Variants in DGKH observed in about 807,000 individuals in gnomAD.
The protein encoded by DGKH is DAG kinase eta.
A neutral mutation model predicts 159.3 loss-of-function variants in DGKH; 90 were observed. The observed-to-expected ratio is 0.57, with a 90% confidence interval of 0.48 to 0.67. DGKH has a LOEUF of 0.67. DGKH is among the 30% of genes least tolerant of loss of function. DGKH has a pLI of 0.00. For missense variants in DGKH, 1,181 were observed against 1,506.1 expected, an observed-to-expected ratio of 0.78 and a Z score of 3.57; for synonymous variants, 536 against 553.8, an observed-to-expected ratio of 0.97 and a Z score of 0.45.
At chr13:42,141,115 A>G (rs1262393633) in intron 3 of DGKH, among the ~76,000 whole-genome samples, 1 of 139,980 alleles carries the variant, frequency 7.1e-6, no homozygotes, top group Admixed American at 7.6e-5. Context: ...ATGTGTTCTC[A>G]TTCTTCAATT....
chr13:42,153,420 T>G (rs1289398957), intron 3 of DGKH, among the ~76,000 whole-genome samples: 2 of 152,260 alleles, frequency 1.3e-5, no homozygotes, highest in Non-Finnish European at 2.9e-5. Context: ...CAAGCCTGGT[T>G]TATTTGTCTG....
chr13:42,209,193 A>C, intron 22 of DGKH, 121 bp downstream of exon 22: 1 of 1,368,260 alleles, frequency 7.3e-7, no homozygotes, highest in Non-Finnish European at 1.0e-6. Context: ...TTGTCATATC[A>C]GTTTTTACCA....
chr13:42,079,121 G>A (rs1247859835), intron 1 of DGKH, among the ~76,000 whole-genome samples: 1 of 151,548 alleles, frequency 6.6e-6, no homozygotes. Context: ...TTGCCATGTT[G>A]CCCAGGCTGG....
downstream of DGKH, among the ~76,000 whole-genome samples, chr13:42,244,870 C>G (rs559888484): frequency 1.2e-4 from 16 of 130,962 alleles, no homozygotes; most frequent in Admixed American, 9.4e-4. Flanking sequence ...CGCCACTGCA[C>G]TCCAGCCTGG....
At chr13:42,125,618 T>C (rs564439419) in intron 1 of DGKH, among the ~76,000 whole-genome samples, 1 of 152,348 alleles carries the variant, frequency 6.6e-6, no homozygotes, top group Admixed American at 6.5e-5. Context: ...TTGTAATGAT[T>C]TCATAACAGT....
In DGKH at chr13:42,215,680, ATGAC is replaced by A; in HGVS notation, c.3213+16_3213+19del. ...CAGGGTTCCTTTGGTAAGGAAAAGAATGACTGGTAACATAAGAATGATGAATTAA... is the reference window on the plus strand; with the variant it reads ...CAGGGTTCCTTTGGTAAGGAAAAGAATGGTAACATAAGAATGATGAATTAA... On this transcript the variant is annotated intron_variant, in intron 26 of 29. Transcript: ENST00000337343. 1 of 1,597,094 alleles carries A rather than the reference ATGAC, an allele frequency of 6.3e-7. No individual in the cohort carries two copies. Among genetic ancestry groups the A allele is most frequent in the Non-Finnish European group, 8.6e-7 (1 of 1,167,416 alleles).
chr13:42,133,587 T>C (rs1955337103), intron 3 of DGKH, among the ~76,000 whole-genome samples: 1 of 152,020 alleles, frequency 6.6e-6, no homozygotes, highest in South Asian at 2.1e-4. Context: ...TGCCAGCTAT[T>C]CTGGAGGCTG....
At position 42,219,507 on chromosome 13, in the gene DGKH, C is replaced by T. The variant is rs182935584; in HGVS notation, c.3333+158C>T. On this transcript the variant is annotated intron_variant, in intron 27 of 29. Transcript: ENST00000337343. ...AAATGAGAAAAGGCATTTATGTGAA[C>T]GCATTTTAGGGGAATTGGGACATTT... is the stretch of plus-strand genomic sequence containing the variant. 8.1e-4 allele frequency among the ~76,000 whole-genome samples: 124 copies of T among 152,214 alleles called. 1 individual carries two copies. The South Asian group carries it at 0.013, about 17-fold the overall frequency.
At chr13:42,083,432 G>A (rs946715481) in intron 1 of DGKH, among the ~76,000 whole-genome samples, 3 of 152,168 alleles carry the variant, frequency 2.0e-5, no homozygotes, top group African/African-American at 7.2e-5. Context: ...TCAGCTGCGA[G>A]GCTCAAATGG....
intron 1 of DGKH, chr13:42,070,014 G>T: frequency 1.2e-6 from 1 of 857,746 alleles, no homozygotes; most frequent in South Asian, 1.4e-5. Flanking sequence ...AAAACTGACA[G>T]TCATAGTACC....
chr13:42,064,610 G>A (rs538478912), intron 1 of DGKH, among the ~76,000 whole-genome samples: 17 of 152,114 alleles, frequency 1.1e-4, no homozygotes, highest in Non-Finnish European at 1.9e-4. Flanking sequence ...AGGAAGAGAA[G>A]ACTGTTGGCA....
rs943594392 is a variant in DGKH, at chr13:42,178,954, G to A, written c.1538+734G>A. 3.3e-5 allele frequency among the ~76,000 whole-genome samples: 5 copies of A among 152,034 alleles called. No individual in the cohort carries two copies. The South Asian group carries it at 6.2e-4, about 19-fold the overall frequency. ...GGGGAAGAAAGAAAGAAAAGGAGTGGGAAAGTGGTAAAGAAAAAATATACA... is the reference window on the plus strand; with the variant it reads ...GGGGAAGAAAGAAAGAAAAGGAGTGAGAAAGTGGTAAAGAAAAAATATACA... On this transcript the variant is annotated intron_variant, in intron 13 of 29. Transcript: ENST00000337343.
intron 3 of DGKH, among the ~76,000 whole-genome samples, chr13:42,130,262 C>T (rs79942260): frequency 0.011 from 1,705 of 152,296 alleles, 36 homozygotes; most frequent in East Asian, 0.08. Context: ...GCAATTCTAC[C>T]CATGCCTATG....
Position 42,190,459 on chromosome 13 carries a change from G to T in DGKH, c.1969G>T (p.Asp657Tyr). 6.2e-7 allele frequency: 1 copy of T among 1,612,044 alleles called. No individual in the cohort carries two copies. The highest frequency in any genetic ancestry group is 1.1e-5 in the South Asian group (1 of 90,630). ...CEPANQSSDY[D>Y]STETDESKEE... ...ACCAGCTAATCAGTCCTCTGATTAT[G>T]ACAGCACAGAAACAGATGAATCTAA... The change falls in exon 16 of 30, where the codon GAC becomes TAC. Residue 657 changes from aspartate to tyrosine, a missense_variant. Coordinates refer to ENST00000337343, the MANE Select transcript of DGKH (RefSeq NM_178009.5).
At chr13:42,092,402 A>C (rs778219880) in intron 1 of DGKH, among the ~76,000 whole-genome samples, 2 of 89,668 alleles carry the variant, frequency 2.2e-5, no homozygotes, top group Non-Finnish European at 4.4e-5. Flanking sequence ...AATATTATTC[A>C]GCCATGCAGC....
At chr13:42,069,665 A>G (rs1882825419) in intron 1 of DGKH, 1 of 1,230,944 alleles carries the variant, frequency 8.1e-7, no homozygotes, top group South Asian at 1.4e-5. Context: ...TTCCAATTGG[A>G]AAGATCTGTA....
At chr13:42,211,411 T>C (rs1957655033) in intron 24 of DGKH, among the ~76,000 whole-genome samples, 1 of 152,054 alleles carries the variant, frequency 6.6e-6, no homozygotes, top group South Asian at 2.1e-4. Context: ...GAAAAACAGG[T>C]TTCAGGCCAG....
chr13:42,127,797 T>G (rs1955200804), intron 2 of DGKH, among the ~76,000 whole-genome samples: 1 of 152,200 alleles, frequency 6.6e-6, no homozygotes, highest in African/African-American at 2.4e-5. Context: ...CTAGTGTAGT[T>G]TCATTTCGTT....
chr13:42,168,709 GGAAATGACCTTGCCC>G lies in DGKH; in HGVS notation c.1261_1275del (p.Asn421_Arg425del). 1 of 1,614,172 alleles carries G rather than the reference GGAAATGACCTTGCCC, an allele frequency of 6.2e-7. No individual in the cohort carries two copies. The highest frequency in any genetic ancestry group is 8.5e-7 in the Non-Finnish European group (1 of 1,180,024). On this transcript the variant is annotated inframe_deletion, in exon 11 of 30. Transcript: ENST00000337343. ...GCTGGGAGTGTTGCCTTTGGGTACA[GGAAATGACCTTGCCC>G]GAGTTCTTGGCTGGGGAGGTTCATA...
Sources: gnomAD v4.1 joint callset for allele counts (sites outside exome capture counted in the v4.1 genomes callset) on GRCh38, gnomAD v4.1.1 for gene constraint, MANE v1.5 for transcripts, NCBI Gene and HGNC (gene_info 2026-07-23, HGNC 2026-07-21) for gene names.